GHR: variants seen among roughly 807,000 people sequenced by gnomAD.
GHR encodes growth hormone receptor.
GHR carries 35 observed loss-of-function variants against 67.1 expected under a neutral mutation model. The ratio of observed to expected loss-of-function variants is 0.52; its 90% confidence interval spans 0.40 to 0.69. The LOEUF (loss-of-function observed/expected upper bound fraction) is 0.69. Ranked by LOEUF, GHR falls within the 30% of genes least tolerant of loss-of-function variation. The probability of loss-of-function intolerance (pLI) is 0.00; values close to 1 mark genes in which losing one functional copy is unlikely to be tolerated. For synonymous variants in GHR, 272 were observed against 269.1 expected (o/e 1.01, Z -0.10); for missense variants, 792 against 764.6 (o/e 1.04, Z -0.42).
chr5:42,681,456 C>A (rs547241506), intron 3 of GHR, among the ~76,000 whole-genome samples: 10 of 152,170 alleles, frequency 6.6e-5, no homozygotes, highest in Admixed American at 2.0e-4. Context: ...AGTCAGGAAA[C>A]AACAGATGCT....
chr5:42,585,832 A>C (rs1447719769), intron 2 of GHR, among the ~76,000 whole-genome samples: 1 of 152,158 alleles, frequency 6.6e-6, no homozygotes, highest in Non-Finnish European at 1.5e-5. Context: ...AACATTACTA[A>C]CCTGGCAACT....
intron 1 of GHR, among the ~76,000 whole-genome samples, chr5:42,456,209 G>A (rs1744252864): frequency 2.0e-5 from 3 of 152,236 alleles, no homozygotes; most frequent in African/African-American, 7.2e-5. Flanking sequence ...TACTCAGGAG[G>A]CTGAGGCAGG....
intron 1 of GHR, among the ~76,000 whole-genome samples, chr5:42,474,699 A>G (rs1745216914): frequency 6.6e-6 from 1 of 152,200 alleles, no homozygotes. Flanking sequence ...CATTTTGATA[A>G]TATGTACTCT....
At chr5:42,555,086 T>C (rs772805705) in intron 1 of GHR, among the ~76,000 whole-genome samples, 5 of 152,184 alleles carry the variant, frequency 3.3e-5, no homozygotes, top group Non-Finnish European at 7.4e-5. Context: ...TGCCCTGTGT[T>C]TGCCATCTAT....
At chr5:42,486,668 A>T (rs1242341320) in intron 1 of GHR, among the ~76,000 whole-genome samples, 1 of 152,154 alleles carries the variant, frequency 6.6e-6, no homozygotes, top group East Asian at 1.9e-4. Flanking sequence ...TAACACGGTG[A>T]AACCCCGTCT....
chr5:42,620,626 G>T (rs570250652), intron 2 of GHR, among the ~76,000 whole-genome samples: 1 of 152,262 alleles, frequency 6.6e-6, no homozygotes, highest in East Asian at 1.9e-4. Context: ...TTCTACACAG[G>T]ACTAGAAGGT....
intron 1 of GHR, among the ~76,000 whole-genome samples, chr5:42,480,509 T>G (rs1026368324): frequency 1.3e-5 from 2 of 152,192 alleles, no homozygotes; most frequent in Admixed American, 6.5e-5. Flanking sequence ...CCATTATTAT[T>G]GTGTGGGAGT....
At chr5:42,469,038 T>C (rs972169412) in intron 1 of GHR, among the ~76,000 whole-genome samples, 3 of 152,270 alleles carry the variant, frequency 2.0e-5, no homozygotes, top group African/African-American at 7.2e-5. Context: ...AAAATGGAGT[T>C]ATGTTTAATT....
At chr5:42,686,138 C>T (rs996832379) in intron 3 of GHR, among the ~76,000 whole-genome samples, 3 of 152,088 alleles carry the variant, frequency 2.0e-5, no homozygotes, top group Admixed American at 1.3e-4. Context: ...AGGAAGGGAT[C>T]CAGCTTCAGC....
chr5:42,457,638 C>T (rs1436548404), intron 1 of GHR, among the ~76,000 whole-genome samples: 3 of 152,066 alleles, frequency 2.0e-5, no homozygotes, highest in Admixed American at 2.0e-4. Flanking sequence ...TGGTAAATTC[C>T]AATGTGTATT....
intron 3 of GHR, among the ~76,000 whole-genome samples, chr5:42,686,628 C>T (rs544998333): frequency 6.6e-6 from 1 of 152,034 alleles, no homozygotes; most frequent in Non-Finnish European, 1.5e-5. Flanking sequence ...AATTCAACAG[C>T]CTTTCATGCT....
intron 1 of GHR, among the ~76,000 whole-genome samples, chr5:42,564,906 G>T (rs1749838283): frequency 6.6e-6 from 1 of 152,152 alleles, no homozygotes; most frequent in Non-Finnish European, 1.5e-5. Context: ...AAAGTAGTTG[G>T]CATTAGTTGT....
At chr5:42,532,820 CAATT>C (rs1367337953) in intron 1 of GHR, among the ~76,000 whole-genome samples, 1 of 152,050 alleles carries the variant, frequency 6.6e-6, no homozygotes, top group Non-Finnish European at 1.5e-5. Context: ...GAAAATACCA[CAATT>C]TATTTATTCC....
intron 3 of GHR, among the ~76,000 whole-genome samples, chr5:42,686,147 G>C (rs1757128599): frequency 6.6e-6 from 1 of 152,102 alleles, no homozygotes; most frequent in South Asian, 2.1e-4. Context: ...TCCAGCTTCA[G>C]CTTTCTGCGT....
At chr5:42,564,333 A>T (rs1749807918) in intron 1 of GHR, among the ~76,000 whole-genome samples, 2 of 149,874 alleles carry the variant, frequency 1.3e-5, no homozygotes, top group Admixed American at 6.6e-5. Flanking sequence ...AATGTGTGAG[A>T]TTTATTTGAA....
intron 1 of GHR, among the ~76,000 whole-genome samples, chr5:42,553,129 T>C (rs34374598): frequency 0.31 from 47,798 of 152,002 alleles, 9,051 homozygotes; most frequent in African/African-American, 0.52. Context: ...CCATAACATA[T>C]TACCACAAAC....
At chr5:42,607,017 C>A (rs1030370693) in intron 2 of GHR, among the ~76,000 whole-genome samples, 1 of 152,078 alleles carries the variant, frequency 6.6e-6, no homozygotes, top group Non-Finnish European at 1.5e-5. Flanking sequence ...ACGGTTTCTT[C>A]CAAGCATTCT....
At chr5:42,544,777 A>G (rs1231390408) in intron 1 of GHR, among the ~76,000 whole-genome samples, 54 of 152,184 alleles carry the variant, frequency 3.5e-4, no homozygotes, top group Admixed American at 3.5e-3. Flanking sequence ...AAGCCAATGA[A>G]CAAAGCTGGC....
At chr5:42,432,465 G>A (rs1317024027) in intron 1 of GHR, among the ~76,000 whole-genome samples, 1 of 152,188 alleles carries the variant, frequency 6.6e-6, no homozygotes, top group Non-Finnish European at 1.5e-5. Context: ...CAGAAAGGCA[G>A]CCTTTGTTCT....
Sources: gnomAD v4.1 joint callset for allele counts (sites outside exome capture counted in the v4.1 genomes callset) on GRCh38, gnomAD v4.1.1 for gene constraint, MANE v1.5 for transcripts, NCBI Gene and HGNC (gene_info 2026-07-23, HGNC 2026-07-21) for gene names.